The following ME1 variants were observed in gnomAD, a reference collection of about 807,000 sequenced individuals.
ME1 encodes malic enzyme 1.
A neutral mutation model predicts 66.4 loss-of-function variants in ME1; 74 were observed. That is an observed-to-expected ratio of 1.11 (90% CI 0.92 to 1.35). The LOEUF is 1.35. Ranked by LOEUF, ME1 falls within the 40% of genes most tolerant of loss-of-function variation. The probability of loss-of-function intolerance (pLI) is 0.00; values close to 1 mark genes in which losing one functional copy is unlikely to be tolerated. For synonymous variants in ME1, 251 were observed against 235.6 expected, an observed-to-expected ratio of 1.07 and a Z score of -0.60; for missense variants, 750 against 694.1, an observed-to-expected ratio of 1.08 and a Z score of -0.90.
chr6:83,253,840 T>G (rs1300670004), intron 6 of ME1, 102 bp from the exon 7 acceptor site: 2 of 610,970 alleles, frequency 3.3e-6, no homozygotes, highest in Non-Finnish European at 5.8e-6. Context: ...TTATTTCCTT[T>G]TAAAGGTTCT....
intron 7 of ME1, among the ~76,000 whole-genome samples, chr6:83,248,675 T>G (rs1338541087): frequency 1.3e-5 from 2 of 152,160 alleles, no homozygotes; most frequent in East Asian, 3.9e-4. Flanking sequence ...TTATAAGTGT[T>G]TGGAAGTTCT....
In ME1 at chr6:83,242,014, C is replaced by A. The variant is rs192352869; in HGVS notation, c.815-2378G>T. Among the ~76,000 whole-genome samples, 780 of 152,194 alleles carry A rather than the reference C, an allele frequency of 5.1e-3. 7 individuals carry two copies. Among genetic ancestry groups the A allele is most frequent in the Non-Finnish European group, 5.4e-3 (364 of 68,014 alleles). ...AGTAACTAGGATTACAGGCACCCAC[C>A]ACCATGCCTGGCTAATTTTTGTATT... On this transcript the variant is annotated intron_variant, in intron 7 of 13. Transcript: ENST00000369705.
rs149360765 is a variant in ME1, at chr6:83,344,624, C to T, written c.600+1549G>A. Reference sequence around the variant, plus strand: ...ATAGGCCGGGTACGGTGGCTCACGCCGGTAATCCCAGCACTTTGGGAGGGC... The same window carrying T: ...ATAGGCCGGGTACGGTGGCTCACGCTGGTAATCCCAGCACTTTGGGAGGGC... On this transcript the variant is annotated intron_variant, in intron 5 of 13. Transcript: ENST00000369705. Among the ~76,000 whole-genome samples, 440 of 152,112 alleles carry T rather than the reference C, an allele frequency of 2.9e-3. 4 individuals are homozygous for T. The highest frequency in any genetic ancestry group is 0.012 in the East Asian group (64 of 5,162).
intron 6 of ME1, among the ~76,000 whole-genome samples, chr6:83,264,809 T>C (rs1481600778): frequency 6.6e-6 from 1 of 152,230 alleles, no homozygotes; most frequent in Non-Finnish European, 1.5e-5. Context: ...TTTTTTGAGA[T>C]GAAATTTACT....
At chr6:83,355,777 T>C in intron 3 of ME1, among the ~76,000 whole-genome samples, 1 of 152,100 alleles carries the variant, frequency 6.6e-6, no homozygotes, top group East Asian at 1.9e-4. Flanking sequence ...AACATATACA[T>C]ATATACAGTT....
rs1583421766 is a variant in ME1 at position 83,407,845 on chromosome 6, T to G, written c.135A>C (p.Pro45=). 6.2e-7 allele frequency: 1 copy of G among 1,613,508 alleles called. No homozygotes were observed. Among genetic ancestry groups the G allele is most frequent in the East Asian group, 2.2e-5 (1 of 44,852 alleles). ...RQQLNIHGLL[P]PSFNSQEIQV... ...GGATCTCCTGACTGTTGAAGGAAGG[T>G]GGCAACAATCCATGAATGTTCAATT... The change falls in exon 2 of 14, where the codon CCA becomes CCC. Residue 45 remains proline, a synonymous_variant. Coordinates refer to ENST00000369705, the MANE Select transcript of ME1 (RefSeq NM_002395.6).
intron 6 of ME1, among the ~76,000 whole-genome samples, chr6:83,260,827 G>A (rs1040408711): frequency 3.9e-5 from 6 of 152,244 alleles, no homozygotes; most frequent in Non-Finnish European, 7.4e-5. Flanking sequence ...TGGTGTATCA[G>A]TACCACATTT....
intron 6 of ME1, among the ~76,000 whole-genome samples, chr6:83,275,464 C>CTTTTTTTTTTTTTTTTT (rs767009219): frequency 8.4e-6 from 1 of 119,726 alleles, no homozygotes; most frequent in African/African-American, 3.5e-5. Flanking sequence ...TAGTTTTGAT[C>CTTTTTTTTTTTTTTTTT]TTTTTTTTTT....
At chr6:83,398,199 T>C (rs1174405392) in intron 3 of ME1, among the ~76,000 whole-genome samples, 168 bp downstream of exon 3, 2 of 152,208 alleles carry the variant, frequency 1.3e-5, no homozygotes, top group East Asian at 3.8e-4. Flanking sequence ...ATTAGCTTGA[T>C]TCTACCATTT....
chr6:83,228,111 G>A (rs1790233486), intron 10 of ME1, among the ~76,000 whole-genome samples: 1 of 152,162 alleles, frequency 6.6e-6, no homozygotes, highest in Admixed American at 6.5e-5. Flanking sequence ...TAGGAATGGA[G>A]TATAATACAA....
At chr6:83,283,824 G>A (rs1767351055) in intron 6 of ME1, among the ~76,000 whole-genome samples, 1 of 152,046 alleles carries the variant, frequency 6.6e-6, no homozygotes, top group African/African-American at 2.4e-5. Context: ...ATGCCTAGAG[G>A]AACTAGAGGA....
intron 3 of ME1, among the ~76,000 whole-genome samples, chr6:83,367,292 T>C (rs572186756): frequency 5.4e-4 from 83 of 152,330 alleles, no homozygotes; most frequent in African/African-American, 2.0e-3. Flanking sequence ...GCATAATTTT[T>C]AAGGGCTCTA....
At chr6:83,237,856 A>C (rs1299920368) in intron 8 of ME1, 26 bp from the exon 9 acceptor site, 1 of 1,319,062 alleles carries the variant, frequency 7.6e-7, no homozygotes, top group Admixed American at 2.0e-5. Flanking sequence ...AAAAAATTTT[A>C]AAGTTGTTCT....
At chr6:83,235,687 T>C (rs1220701165) in intron 9 of ME1, among the ~76,000 whole-genome samples, 2 of 152,032 alleles carry the variant, frequency 1.3e-5, no homozygotes, top group Non-Finnish European at 2.9e-5. Flanking sequence ...TTAGCCAGGA[T>C]GGTCTCGATC....
chr6:83,400,899 T>C (rs189095499), intron 2 of ME1, among the ~76,000 whole-genome samples: 1 of 152,334 alleles, frequency 6.6e-6, no homozygotes, highest in East Asian at 1.9e-4. Context: ...TCCCTGCTGA[T>C]TCTTGAACAT....
Position 83,368,775 on chromosome 6 carries a change from T to C in ME1, c.363-16636A>G, listed in dbSNP as rs374527235. 1.2e-3 allele frequency among the ~76,000 whole-genome samples: 176 copies of C among 152,186 alleles called. 1 individual carries two copies. Among genetic ancestry groups the C allele is most frequent in the African/African-American group, 3.3e-3 (139 of 41,548 alleles). On this transcript the variant is annotated intron_variant, in intron 3 of 13. Transcript: ENST00000369705. ...AGTTTTAGTCATGGCTATGAATCCT[T>C]AGAACAGTCAGTTATCTTCTCCAGA...
At chr6:83,264,128 T>C (rs1476058393) in intron 6 of ME1, among the ~76,000 whole-genome samples, 2 of 152,196 alleles carry the variant, frequency 1.3e-5, no homozygotes, top group Admixed American at 1.3e-4. Context: ...TTGAAAAACA[T>C]AGGTCCCTTA....
intron 6 of ME1, among the ~76,000 whole-genome samples, chr6:83,273,011 C>T (rs1282978247): frequency 6.6e-6 from 1 of 151,648 alleles, no homozygotes; most frequent in Non-Finnish European, 1.5e-5. Flanking sequence ...CTCGTCTCTA[C>T]TAAAAATATA....
chr6:83,358,606 C>A (rs1302914067), intron 3 of ME1, among the ~76,000 whole-genome samples: 2 of 152,062 alleles, frequency 1.3e-5, no homozygotes, highest in East Asian at 1.9e-4. Flanking sequence ...GTGAGGGCAT[C>A]GATTAGAAAA....
Sources: gnomAD v4.1 joint callset for allele counts (sites outside exome capture counted in the v4.1 genomes callset) on GRCh38, gnomAD v4.1.1 for gene constraint, MANE v1.5 for transcripts, NCBI Gene and HGNC (gene_info 2026-07-23, HGNC 2026-07-21) for gene names.